Variants in ACTR3C observed in about 807,000 individuals in gnomAD.
ACTR3C encodes the protein actin related protein 3C, also known as actin-related protein 3C.
Under a neutral mutation model 26.3 loss-of-function variants are expected in ACTR3C, and 18 were observed. That is an observed-to-expected ratio of 0.68 (90% CI 0.47 to 1.01). The LOEUF (loss-of-function observed/expected upper bound fraction) is 1.01, where lower values mean the gene tolerates loss of function less well. Among genes scored for constraint, ACTR3C ranks in the 50% least tolerant of loss-of-function variants. The probability of loss-of-function intolerance (pLI) is 0.00; values close to 1 mark genes in which losing one functional copy is unlikely to be tolerated. For missense variants in ACTR3C, 184 were observed against 250.7 expected (o/e 0.73, Z 1.80); for synonymous variants, 55 against 94.5 (o/e 0.58, Z 2.42).
chr7:150,215,898 T>A, the ACTR3C span, among the ~76,000 whole-genome samples: 1 of 152,208 alleles, frequency 6.6e-6, no homozygotes, highest in African/African-American at 2.4e-5. Flanking sequence ...CAATATGTAA[T>A]CTGTATATTG....
the ACTR3C span, among the ~76,000 whole-genome samples, chr7:150,235,982 C>T: frequency 1.3e-5 from 2 of 150,492 alleles, no homozygotes; most frequent in Non-Finnish European, 2.9e-5. Context: ...AATGAACTTA[C>T]CTTTTGTGCA....
the ACTR3C span, among the ~76,000 whole-genome samples, chr7:150,033,610 C>G: frequency 6.6e-6 from 1 of 150,388 alleles, no homozygotes; most frequent in Non-Finnish European, 1.5e-5. Context: ...TGCCTCCCCC[C>G]GCTGCAATGG....
the ACTR3C span, among the ~76,000 whole-genome samples, chr7:150,237,815 AC>A: frequency 6.6e-6 from 1 of 151,154 alleles, no homozygotes; most frequent in Non-Finnish European, 1.5e-5. Flanking sequence ...CCTAGAAGTC[AC>A]CCAAGCATAT....
chr7:150,227,841 G>A, the ACTR3C span, among the ~76,000 whole-genome samples: 12 of 150,602 alleles, frequency 8.0e-5, no homozygotes, highest in East Asian at 2.2e-3. Context: ...TCTCAATTCT[G>A]TTTCATTGAC....
chr7:150,175,393 G>T, the ACTR3C span, among the ~76,000 whole-genome samples: 1 of 143,012 alleles, frequency 7.0e-6, no homozygotes, highest in Non-Finnish European at 1.5e-5. Flanking sequence ...CACAGAAATA[G>T]CCTTGTCTCC....
chr7:149,946,871 G>T, the ACTR3C span, among the ~76,000 whole-genome samples: 1 of 152,096 alleles, frequency 6.6e-6, no homozygotes, highest in African/African-American at 2.4e-5. Context: ...GAAAGAAACC[G>T]CATTGGTTCT....
At chr7:149,998,386 C>T in the ACTR3C span, among the ~76,000 whole-genome samples, 2 of 146,272 alleles carry the variant, frequency 1.4e-5, no homozygotes, top group Admixed American at 6.8e-5. Flanking sequence ...TACCTGTATT[C>T]GTCCATTCTC....
the ACTR3C span, among the ~76,000 whole-genome samples, chr7:150,091,826 CA>C: frequency 0.018 from 2,507 of 137,682 alleles, 65 homozygotes; most frequent in African/African-American, 0.062. Context: ...ACTAAAAATA[CA>C]AAAAAAAAAA....
intron 1 of ACTR3C, among the ~76,000 whole-genome samples, chr7:150,314,905 T>G (rs992989188): frequency 1.3e-5 from 2 of 149,380 alleles, no homozygotes; most frequent in Non-Finnish European, 1.5e-5. Context: ...TAAACTGTGA[T>G]CACACCACTG....
the ACTR3C span, among the ~76,000 whole-genome samples, chr7:150,231,069 G>A: frequency 6.7e-4 from 102 of 151,840 alleles, no homozygotes; most frequent in Middle Eastern, 3.4e-3. Context: ...TATATATTCA[G>A]TAATACTATT....
At chr7:149,932,687 G>C in the ACTR3C span, among the ~76,000 whole-genome samples, 1 of 150,722 alleles carries the variant, frequency 6.6e-6, no homozygotes, top group African/African-American at 2.4e-5. Context: ...GGGAGGGAGC[G>C]GGGGAGAGAG....
At chr7:150,097,541 C>A in the ACTR3C span, among the ~76,000 whole-genome samples, 1 of 151,610 alleles carries the variant, frequency 6.6e-6, no homozygotes, top group Non-Finnish European at 1.5e-5. Flanking sequence ...CCTCACCTTT[C>A]CCTTTACATG....
the ACTR3C span, among the ~76,000 whole-genome samples, chr7:150,132,794 T>C: frequency 6.6e-6 from 1 of 152,172 alleles, no homozygotes; most frequent in African/African-American, 2.4e-5. Flanking sequence ...AAGATACGTG[T>C]ATGCATATGT....
At chr7:150,047,346 A>G in the ACTR3C span, among the ~76,000 whole-genome samples, 1 of 152,190 alleles carries the variant, frequency 6.6e-6, no homozygotes, top group Non-Finnish European at 1.5e-5. Context: ...CGAATTCCAG[A>G]TCCCAGCAGG....
At chr7:150,167,766 T>C in the ACTR3C span, among the ~76,000 whole-genome samples, 1 of 150,474 alleles carries the variant, frequency 6.6e-6, no homozygotes, top group East Asian at 1.9e-4. Flanking sequence ...CAGTGTCTGC[T>C]TTGTTCAGTC....
chr7:150,225,199 G>C, the ACTR3C span, among the ~76,000 whole-genome samples: 1 of 152,152 alleles, frequency 6.6e-6, no homozygotes, highest in East Asian at 1.9e-4. Context: ...ACTAATATCT[G>C]GGCATTACTA....
chr7:150,197,222 T>C, the ACTR3C span, among the ~76,000 whole-genome samples: 1 of 152,156 alleles, frequency 6.6e-6, no homozygotes. Flanking sequence ...ATGCCTGGAT[T>C]CACAAAGAAA....
the ACTR3C span, among the ~76,000 whole-genome samples, chr7:149,889,073 A>T: frequency 6.6e-6 from 1 of 152,100 alleles, no homozygotes; most frequent in East Asian, 1.9e-4. Flanking sequence ...ATGAAAAGCA[A>T]ACCACAAACT....
chr7:150,027,363 C>T, the ACTR3C span, among the ~76,000 whole-genome samples: 1 of 150,252 alleles, frequency 6.7e-6, no homozygotes, highest in African/African-American at 2.5e-5. Context: ...CTCCGCCTCC[C>T]GGGTTCACGC....
Sources: gnomAD v4.1 joint callset for allele counts (sites outside exome capture counted in the v4.1 genomes callset) on GRCh38, gnomAD v4.1.1 for gene constraint, MANE v1.5 for transcripts, NCBI Gene and HGNC (gene_info 2026-07-23, HGNC 2026-07-21) for gene names.